The following OSBP2 variants were observed in gnomAD, a reference collection of about 807,000 sequenced individuals.
OSBP2 encodes oxysterol binding protein 2.
In OSBP2, 66 loss-of-function variants were observed where a neutral mutation model predicts 96.0. That is an observed-to-expected ratio of 0.69 (90% CI 0.56 to 0.84). OSBP2 has a LOEUF of 0.84. Among genes scored for constraint, OSBP2 ranks in the 40% least tolerant of loss-of-function variants. The pLI is 0.00. For synonymous variants in OSBP2, 525 were observed against 520.9 expected (o/e 1.01, Z -0.11); for missense variants, 1,038 against 1,222.7 (o/e 0.85, Z 2.25).
At chr22:30,698,384 T>C (rs2089090051) in intron 1 of OSBP2, among the ~76,000 whole-genome samples, 1 of 152,094 alleles carries the variant, frequency 6.6e-6, no homozygotes, top group Non-Finnish European at 1.5e-5. Context: ...ATCAGGGCCA[T>C]TTCTCTTGCT....
rs774418623 is a variant in OSBP2 at position 30,789,903 on chromosome 22, T to C, written c.853+48534T>C. Reference sequence around the variant, plus strand: ...GTTCCCATTTTAGATCACAGTTTAATTTTATTTTGTGCCATGCTCTTTGAG... The same window carrying C: ...GTTCCCATTTTAGATCACAGTTTAACTTTATTTTGTGCCATGCTCTTTGAG... On this transcript the variant is annotated intron_variant, in intron 2 of 13. Coordinates refer to ENST00000332585, the MANE Select transcript of OSBP2 (RefSeq NM_030758.4). 1.8e-4 allele frequency among the ~76,000 whole-genome samples: 27 copies of C among 152,172 alleles called. 1 individual carries two copies. The highest frequency in any genetic ancestry group is 2.8e-4 in the Non-Finnish European group (19 of 68,016).
At chr22:30,723,712 C>A (rs1045952565) in intron 1 of OSBP2, among the ~76,000 whole-genome samples, 2 of 152,176 alleles carry the variant, frequency 1.3e-5, no homozygotes, top group Non-Finnish European at 2.9e-5. Context: ...CCGCACCCGG[C>A]CAGATTTTTA....
At chr22:30,716,790 GTTC>G (rs1160980148) in intron 1 of OSBP2, among the ~76,000 whole-genome samples, 2 of 152,112 alleles carry the variant, frequency 1.3e-5, no homozygotes, top group Non-Finnish European at 2.9e-5. Context: ...AGTTGTAGAA[GTTC>G]TTCTTACATT....
chr22:30,882,070 T>C (rs1472586605), intron 3 of OSBP2, among the ~76,000 whole-genome samples: 1 of 152,130 alleles, frequency 6.6e-6, no homozygotes, highest in Non-Finnish European at 1.5e-5. Flanking sequence ...AGCTGGCCCT[T>C]TGGTAGCCTT....
intron 2 of OSBP2, among the ~76,000 whole-genome samples, chr22:30,822,950 A>G (rs1393037402): frequency 1.3e-5 from 2 of 152,244 alleles, no homozygotes; most frequent in African/African-American, 4.8e-5. Context: ...TTGTCCGTCT[A>G]ATTAACCTAT....
chr22:30,887,533 G>T lies in OSBP2; in HGVS notation c.1215G>T (p.Gln405His), dbSNP rs2039839028. 2 of 1,613,640 alleles carry T rather than the reference G, an allele frequency of 1.2e-6. No homozygotes were observed. The highest frequency in any genetic ancestry group is 2.7e-5 in the African/African-American group (2 of 75,062). The change falls in exon 4 of 14, where the codon CAG (glutamine) becomes CAT (histidine). Residue 405 changes from glutamine to histidine, a missense_variant. By Grantham distance (24) the Gln-to-His change is conservative. Coordinates refer to ENST00000332585, the MANE Select transcript of OSBP2 (RefSeq NM_030758.4). ...TGCACTTGGAGGAAACCATTGAGCA[G>T]CTGGCGAAGCAGCACAACAGCCTCG... ...QRVHLEETIE[Q>H]LAKQHNSLER...
At chr22:30,823,133 A>G (rs2038318585) in intron 2 of OSBP2, among the ~76,000 whole-genome samples, 3 of 151,582 alleles carry the variant, frequency 2.0e-5, no homozygotes, top group Admixed American at 2.0e-4. Flanking sequence ...TCCTGGGGCC[A>G]CCAGTGGTGT....
In OSBP2 at chr22:30,778,751, T is replaced by G. The variant is rs569053664; in HGVS notation, c.853+37382T>G. ...ATTAGAAGTTCTATTCAAACTGATT[T>G]ATGGCCGGGCACAGTGGCTCACCCC... On this transcript the variant is annotated intron_variant, in intron 2 of 13. Coordinates refer to ENST00000332585, the MANE Select transcript of OSBP2 (RefSeq NM_030758.4). 2.0e-5 allele frequency among the ~76,000 whole-genome samples: 3 copies of G among 152,168 alleles called. No homozygotes were observed. The East Asian group carries it at 5.8e-4, about 30-fold the overall frequency.
chr22:30,744,489 C>G (rs1488660898), intron 2 of OSBP2, among the ~76,000 whole-genome samples: 3 of 152,186 alleles, frequency 2.0e-5, no homozygotes, highest in Non-Finnish European at 4.4e-5. Flanking sequence ...TCACCTGCTA[C>G]TCCCCAGCTC....
intron 5 of OSBP2, among the ~76,000 whole-genome samples, 167 bp downstream of exon 5, chr22:30,888,507 T>G (rs1027955345): frequency 6.6e-6 from 1 of 152,126 alleles, no homozygotes; most frequent in African/African-American, 2.4e-5. Context: ...GTAAGAAGAT[T>G]GCTTGAATAC....
intron 2 of OSBP2, among the ~76,000 whole-genome samples, chr22:30,852,054 T>G (rs764315286): frequency 1.3e-5 from 2 of 152,208 alleles, no homozygotes; most frequent in South Asian, 4.1e-4. Flanking sequence ...CCTTTTTTGC[T>G]GATTTCCATT....
chr22:30,886,485 C>T (rs555057065), intron 3 of OSBP2, among the ~76,000 whole-genome samples: 8 of 150,878 alleles, frequency 5.3e-5, no homozygotes, highest in Non-Finnish European at 1.0e-4. Flanking sequence ...ACTCTTACTT[C>T]ATCTCTTCAG....
intron 2 of OSBP2, chr22:30,764,539 CTTGGT>C: frequency 1.7e-5 from 4 of 236,480 alleles, no homozygotes; most frequent in Non-Finnish European, 2.8e-5. Flanking sequence ...TGCAAGTGGG[CTTGGT>C]CCACTTAACA....
At chr22:30,704,629 C>G (rs1479708276) in intron 1 of OSBP2, among the ~76,000 whole-genome samples, 2 of 151,066 alleles carry the variant, frequency 1.3e-5, no homozygotes, top group Non-Finnish European at 2.9e-5. Flanking sequence ...ATATTTTTGG[C>G]TAATTTTTGT....
chr22:30,838,032 A>G (rs993997180), intron 2 of OSBP2, among the ~76,000 whole-genome samples: 1 of 152,128 alleles, frequency 6.6e-6, no homozygotes, highest in African/African-American at 2.4e-5. Context: ...CGAGGTACAT[A>G]TTTTTTCTAT....
intron 2 of OSBP2, among the ~76,000 whole-genome samples, chr22:30,773,535 T>TG (rs906763640): frequency 2.6e-5 from 4 of 152,186 alleles, no homozygotes; most frequent in Non-Finnish European, 5.9e-5. Context: ...TTGTGACAAC[T>TG]GGCTTGCCAC....
intron 1 of OSBP2, among the ~76,000 whole-genome samples, chr22:30,713,548 C>A (rs1056120336): frequency 6.6e-6 from 1 of 151,942 alleles, no homozygotes; most frequent in East Asian, 1.9e-4. Context: ...GCAGCCTCAA[C>A]CTCCCAGGCT....
chr22:30,745,540 G>A (rs768027815), intron 2 of OSBP2, among the ~76,000 whole-genome samples: 12 of 151,904 alleles, frequency 7.9e-5, no homozygotes, highest in Non-Finnish European at 1.3e-4. Context: ...GGTAGCAGAC[G>A]CCTGTAATCC....
At chr22:30,707,583 T>C (rs1482763189) in intron 1 of OSBP2, among the ~76,000 whole-genome samples, 3 of 150,236 alleles carry the variant, frequency 2.0e-5, no homozygotes, top group Non-Finnish European at 3.0e-5. Flanking sequence ...CCGGGCACGG[T>C]GGCGGGCCCT....
Sources: allele counts gnomAD v4.1 joint callset (sites outside exome capture counted in the v4.1 genomes callset), GRCh38; gene constraint gnomAD v4.1.1; transcripts MANE v1.5; gene names NCBI Gene and HGNC (gene_info 2026-07-23, HGNC 2026-07-21).